Variants in GPRC5B observed in about 807,000 individuals in gnomAD.
GPRC5B encodes the protein G protein-coupled receptor class C group 5 member B, also known as G protein-coupled receptor family C group 5 member B.
In GPRC5B, 16 loss-of-function variants were observed where a neutral mutation model predicts 30.1. The ratio of observed to expected loss-of-function variants is 0.53; its 90% CI spans 0.36 to 0.81. GPRC5B has a LOEUF of 0.81. GPRC5B is among the 30% of genes least tolerant of loss of function. GPRC5B has a pLI of 0.01. For missense variants in GPRC5B, 428 were observed against 544.7 expected (o/e 0.79, Z 2.13); for synonymous variants, 241 against 239.5 (o/e 1.01, Z -0.06).
chr16:19,874,168 A>G (rs6497418), intron 1 of GPRC5B, among the ~76,000 whole-genome samples: 111,248 of 152,076 alleles, frequency 0.73, 41,850 homozygotes, highest in African/African-American at 0.91. Flanking sequence ...AGGATTCCCC[A>G]GAGTGCCTCT....
Position 19,858,853 on chromosome 16 carries a change from GTA to G in GPRC5B, c.*1645_*1646del, listed in dbSNP as rs2056596304. The G allele has an allele frequency of 2.3e-5, 7 of 304,198 alleles. No individual in the cohort carries two copies. The highest frequency in any genetic ancestry group is 4.2e-5 in the Non-Finnish European group (7 of 166,292). 18.8% of individuals were successfully genotyped at this position (304,198 alleles called of 1,614,324 possible). On this transcript the variant is annotated 3_prime_UTR_variant, in exon 4 of 4. Coordinates refer to ENST00000300571, the MANE Select transcript of GPRC5B (RefSeq NM_016235.3). ...CCCATGCGTGGTAACACAAGGAAAT[GTA>G]CTAACTGTTAAGGAAAACTCGAAGG...
At position 19,865,938 on chromosome 16, in the gene GPRC5B, G is replaced by GT. The variant is rs1018271971; in HGVS notation, c.1031-3966dup. Among the ~76,000 whole-genome samples, 125 of 151,386 alleles carry GT rather than the reference G, an allele frequency of 8.3e-4. 1 individual carries two copies. Among genetic ancestry groups the GT allele is most frequent in the Admixed American group, 1.8e-3 (28 of 15,176 alleles). The stretch of plus-strand genomic sequence containing the variant: ...GCAAGCACTGTTTTTGTTTTTTGTT[G>GT]TTTTTTTTTGAGACGGAGTCCCACT... On this transcript the variant is annotated intron_variant, in intron 2 of 3. Coordinates refer to ENST00000300571, the MANE Select transcript of GPRC5B (RefSeq NM_016235.3).
intron 2 of GPRC5B, among the ~76,000 whole-genome samples, chr16:19,868,169 G>A (rs372496594): frequency 1.3e-5 from 2 of 152,220 alleles, no homozygotes; most frequent in East Asian, 1.9e-4. Flanking sequence ...GAGGTCAGGA[G>A]TTTGAGACCA....
chr16:19,870,541 G>A (rs2056707785), intron 2 of GPRC5B, among the ~76,000 whole-genome samples: 1 of 152,224 alleles, frequency 6.6e-6, no homozygotes, highest in African/African-American at 2.4e-5. Flanking sequence ...ACACATCTAG[G>A]AAGTGGCAGA....
intron 1 of GPRC5B, among the ~76,000 whole-genome samples, chr16:19,878,163 C>T (rs1634670): frequency 0.15 from 23,034 of 150,532 alleles, 1,980 homozygotes; most frequent in Non-Finnish European, 0.19. Flanking sequence ...CACGCCACTG[C>T]ACTCTAGCCT....
At chr16:19,877,775 G>A (rs889680591) in intron 1 of GPRC5B, among the ~76,000 whole-genome samples, 3 of 152,190 alleles carry the variant, frequency 2.0e-5, no homozygotes, top group Non-Finnish European at 2.9e-5. Context: ...CCAAGGTCAC[G>A]CAGCTACAAA....
intron 1 of GPRC5B, among the ~76,000 whole-genome samples, chr16:19,883,079 T>C (rs114021446): frequency 0.029 from 4,377 of 152,286 alleles, 175 homozygotes; most frequent in African/African-American, 0.096. Context: ...TCGGATTTCA[T>C]AGCCATTTGC....
intron 3 of GPRC5B, among the ~76,000 whole-genome samples, chr16:19,861,001 A>C (rs2056617332): frequency 6.6e-6 from 1 of 151,062 alleles, no homozygotes; most frequent in Non-Finnish European, 1.5e-5. Flanking sequence ...GTTCCAAACC[A>C]ATGCAAACCA....
chr16:19,864,226 CA>C (rs2056649468), intron 2 of GPRC5B, among the ~76,000 whole-genome samples: 1 of 152,228 alleles, frequency 6.6e-6, no homozygotes, highest in South Asian at 2.1e-4. Context: ...GCCTTGCCCC[CA>C]AAGCCAACTC....
intron 2 of GPRC5B, among the ~76,000 whole-genome samples, chr16:19,867,653 G>A (rs2056678074): frequency 6.6e-6 from 1 of 152,198 alleles, no homozygotes; most frequent in Non-Finnish European, 1.5e-5. Flanking sequence ...AGAAACATAT[G>A]TTAAAACCTC....
Position 19,872,408 on chromosome 16 carries a change from G to A in GPRC5B, c.438C>T (p.Arg146=), listed in dbSNP as rs112989815. ...TGCCATGCCGCACCAGCCTCCGCACGCGCCATGCCTGGCTCAGCAGGCAGG... is the reference window on the plus strand; with the variant it reads ...TGCCATGCCGCACCAGCCTCCGCACACGCCATGCCTGGCTCAGCAGGCAGG... ...CFSCLLSQAW[R]VRRLVRHGTG... Residue 146 remains arginine (R), a synonymous_variant, in exon 2 of 4, where the codon CGC becomes CGT. Coordinates refer to ENST00000300571, the MANE Select transcript of GPRC5B (RefSeq NM_016235.3). This position sits in a 1 kb window ranked among gnomAD's most constrained non-coding sequence, Gnocchi z 5.0. The A allele has an allele frequency of 5.9e-4, 947 of 1,613,522 alleles. 6 individuals are homozygous for A. The African/African-American group carries it at 0.011, about 18-fold the overall frequency.
intron 1 of GPRC5B, among the ~76,000 whole-genome samples, chr16:19,875,002 GGTT>G (rs1421251682): frequency 1.3e-5 from 2 of 152,012 alleles, no homozygotes; most frequent in East Asian, 3.9e-4. Context: ...CCACGTGTGG[GGTT>G]GTGACCAGCT....
At chr16:19,885,388 C>T, upstream of GPRC5B, 1 of 1,172,104 alleles carries the variant, frequency 8.5e-7, no homozygotes, top group South Asian at 1.5e-5. The surrounding 1 kb of genome is among the most constrained non-coding windows in gnomAD (Gnocchi z 5.3). Flanking sequence ...CACCTAGGCG[C>T]ACACACACCG....
In GPRC5B at chr16:19,872,572, G is replaced by C. The variant is rs778423496; in HGVS notation, c.274C>G (p.Pro92Ala). Residue 92 changes from proline (P) to alanine (A), a missense_variant, in exon 2 of 4, where the codon CCT becomes GCT. Coordinates refer to ENST00000300571, the MANE Select transcript of GPRC5B (RefSeq NM_016235.3). This position sits in a 1 kb window ranked among gnomAD's most constrained non-coding sequence, Gnocchi z 5.0. ...PFIKEKEKKSPVGLHFLFLLG... is the reference protein window; with the variant it reads ...PFIKEKEKKSAVGLHFLFLLG... ...AGGAACAGAAAGTGGAGGCCCACAG[G>C]GCTCTTCTTCTCCTTCTCCTTGATG... The C allele has an allele frequency of 1.2e-6, 2 of 1,613,944 alleles. No individual in the cohort carries two copies. The highest frequency in any genetic ancestry group is 2.7e-5 in the African/African-American group (2 of 74,914).
At chr16:19,874,558 G>A (rs1051604372) in intron 1 of GPRC5B, among the ~76,000 whole-genome samples, 10 of 152,190 alleles carry the variant, frequency 6.6e-5, no homozygotes, top group Non-Finnish European at 8.8e-5. Context: ...GTCTTGGCAC[G>A]ACTGACATTT....
upstream of GPRC5B, chr16:19,884,875 G>A: frequency 1.0e-6 from 1 of 980,880 alleles, no homozygotes; most frequent in Non-Finnish European, 1.2e-6. Context: ...GCCGCGCGAG[G>A]CGCCCCCTGG....
Position 19,858,365 on chromosome 16 carries a change from A to G in GPRC5B, c.*2135T>C. 2 of 454,074 alleles carry G rather than the reference A, an allele frequency of 4.4e-6. No homozygotes were observed. The highest frequency in any genetic ancestry group is 3.4e-5 in the East Asian group (1 of 29,724). The allele number at this position is 454,074 out of a possible 1,614,324, so 28.1% of individuals were successfully genotyped here. Reference sequence around the variant, plus strand: ...ATTAAATGAGGCTTCCCATGGCTCAAAGATGGCTCTGTTCTTATGCTGGGG... The same window carrying G: ...ATTAAATGAGGCTTCCCATGGCTCAGAGATGGCTCTGTTCTTATGCTGGGG... On this transcript the variant is annotated 3_prime_UTR_variant, in exon 4 of 4. Coordinates refer to ENST00000300571, the MANE Select transcript of GPRC5B (RefSeq NM_016235.3).
At chr16:19,861,087 TAA>T (rs3067833) in intron 3 of GPRC5B, among the ~76,000 whole-genome samples, 14 of 93,380 alleles carry the variant, frequency 1.5e-4, no homozygotes, top group African/African-American at 1.5e-4. Context: ...CTGATTTACA[TAA>T]AAAAAAAAAA....
intron 2 of GPRC5B, among the ~76,000 whole-genome samples, chr16:19,864,685 G>A (rs753746945): frequency 1.3e-5 from 2 of 152,238 alleles, no homozygotes; most frequent in Non-Finnish European, 2.9e-5. Flanking sequence ...GGGCACCGGC[G>A]ATTCTGTGAG....
Sources: allele counts gnomAD v4.1 joint callset (sites outside exome capture counted in the v4.1 genomes callset), GRCh38; gene constraint gnomAD v4.1.1; non-coding constraint Gnocchi (gnomAD v3.1); transcripts MANE v1.5; gene names NCBI Gene and HGNC (gene_info 2026-07-23, HGNC 2026-07-21).